The following APBB2 variants were observed in gnomAD, a reference collection of about 807,000 sequenced individuals.
The protein encoded by APBB2 is amyloid beta precursor protein binding family B member 2, also known as Fe65-like 1.
In APBB2, 38 loss-of-function variants were observed where a neutral mutation model predicts 82.5. The ratio of observed to expected loss-of-function variants is 0.46; its 90% confidence interval spans 0.36 to 0.60. The LOEUF (loss-of-function observed/expected upper bound fraction) is 0.60, where lower values mean the gene tolerates loss of function less well. APBB2 is among the 20% of genes least tolerant of loss of function. The pLI, the probability that APBB2 is intolerant of heterozygous loss-of-function variation, is 0.00. For missense variants in APBB2, 772 were observed against 972.3 expected, an observed-to-expected ratio of 0.79 and a Z score of 2.74; for synonymous variants, 341 against 368.2, an observed-to-expected ratio of 0.93 and a Z score of 0.85.
At chr4:40,864,112 C>T (rs1398328748) in intron 12 of APBB2, among the ~76,000 whole-genome samples, 2 of 151,754 alleles carry the variant, frequency 1.3e-5, no homozygotes, top group Non-Finnish European at 2.9e-5. Context: ...CAAATATTAG[C>T]TGGGTGTGGT....
chr4:40,929,634 C>T (rs1783583278), intron 10 of APBB2, among the ~76,000 whole-genome samples: 1 of 152,174 alleles, frequency 6.6e-6, no homozygotes, highest in Admixed American at 6.5e-5. Flanking sequence ...GGGGTAGTAG[C>T]TCACACACAA....
intron 4 of APBB2, among the ~76,000 whole-genome samples, chr4:41,058,881 T>C (rs1340384851): frequency 3.3e-5 from 5 of 151,952 alleles, no homozygotes; most frequent in African/African-American, 1.2e-4. Context: ...CATTAACAAC[T>C]AAGAAAATAC....
Position 41,053,266 on chromosome 4 carries a change from G to T in APBB2, c.-51+12310C>A, listed in dbSNP as rs1726719950. Among the ~76,000 whole-genome samples, 4 of 151,634 alleles carry T rather than the reference G, an allele frequency of 2.6e-5. No homozygotes were observed. The South Asian group carries it at 6.2e-4, about 24-fold the overall frequency. ...TTCTAGTTTTTTTCCCAATAAACTA[G>T]AGACGACAATTTTCATTTCATACCT... On this transcript the variant is annotated intron_variant, in intron 4 of 17. Transcript: ENST00000508593.
At chr4:41,191,847 GAGACTGGGAAAA>G (rs1774520766) in intron 1 of APBB2, among the ~76,000 whole-genome samples, 1 of 152,160 alleles carries the variant, frequency 6.6e-6, no homozygotes, top group African/African-American at 2.4e-5. Flanking sequence ...GGCAACCTAT[GAGACTGGGAAAA>G]AGCATTTGCA....
chr4:40,929,564 G>T (rs192082355), intron 10 of APBB2, among the ~76,000 whole-genome samples: 84 of 152,338 alleles, frequency 5.5e-4, no homozygotes, highest in African/African-American at 1.9e-3. Context: ...CTCCCAGAGT[G>T]CTGGGATTAC....
intron 6 of APBB2, among the ~76,000 whole-genome samples, chr4:40,968,647 A>G (rs1465875638): frequency 1.3e-5 from 2 of 152,098 alleles, no homozygotes; most frequent in Non-Finnish European, 2.9e-5. Flanking sequence ...GTCTCACAAC[A>G]TGCCTTACAT....
intron 12 of APBB2, among the ~76,000 whole-genome samples, chr4:40,877,661 T>C (rs1413880818): frequency 6.6e-6 from 1 of 152,230 alleles, no homozygotes; most frequent in Non-Finnish European, 1.5e-5. Context: ...GTTCACCTGC[T>C]GGGACAGACC....
At chr4:40,931,805 T>C (rs1049742549) in intron 10 of APBB2, among the ~76,000 whole-genome samples, 2 of 152,200 alleles carry the variant, frequency 1.3e-5, no homozygotes, top group Admixed American at 6.5e-5. Context: ...TGCCCTTTTT[T>C]TTTTTTTAAA....
intron 4 of APBB2, among the ~76,000 whole-genome samples, chr4:41,046,947 G>A (rs1723653588): frequency 6.6e-6 from 1 of 152,212 alleles, no homozygotes; most frequent in Admixed American, 6.5e-5. Flanking sequence ...GTTCAATTTT[G>A]TCACCTGTTA....
At chr4:41,112,822 T>C (rs1449292053) in intron 2 of APBB2, among the ~76,000 whole-genome samples, 1 of 152,038 alleles carries the variant, frequency 6.6e-6, no homozygotes, top group Non-Finnish European at 1.5e-5. Flanking sequence ...ACCCCATCTG[T>C]ACTAAAAATG....
intron 4 of APBB2, among the ~76,000 whole-genome samples, chr4:41,053,232 C>T (rs2087792845): frequency 6.6e-6 from 1 of 152,054 alleles, no homozygotes; most frequent in Non-Finnish European, 1.5e-5. Flanking sequence ...AATTTGATGA[C>T]CCTATGACTT....
chr4:41,027,186 C>G (rs775057425), intron 5 of APBB2, among the ~76,000 whole-genome samples: 1 of 151,978 alleles, frequency 6.6e-6, no homozygotes, highest in East Asian at 1.9e-4. Flanking sequence ...GCAATACCTG[C>G]CCTCTCAGTG....
chr4:40,930,442 TGTGTGTGCGCGCGCGCGCGC>T (rs1398836144), intron 10 of APBB2, among the ~76,000 whole-genome samples: 4 of 73,786 alleles, frequency 5.4e-5, no homozygotes, highest in African/African-American at 1.5e-4. Flanking sequence ...TGTGTGTGTG[TGTGTGTGCGCGCGCGCGCGC>T]GCGCGTGCGC....
At position 40,890,698 on chromosome 4, in the gene APBB2, C is replaced by T. The variant is rs1254478469; in HGVS notation, c.1402-207G>A. Among the ~76,000 whole-genome samples, 7 of 152,170 alleles carry T rather than the reference C, an allele frequency of 4.6e-5. No individual in the cohort carries two copies. In the South Asian group the frequency reaches 1.5e-3, roughly 32 times the overall value. ...TACACCCAATTTCTCTCTCCCTCTC[C>T]GAGTCCTCTGAAATGTGTCCCCATC... On this transcript the variant is annotated intron_variant, in intron 11 of 17. Coordinates refer to ENST00000508593, the MANE Select transcript of APBB2 (RefSeq NM_004307.2).
At chr4:41,028,153 T>G (rs1715221906) in intron 5 of APBB2, among the ~76,000 whole-genome samples, 1 of 152,384 alleles carries the variant, frequency 6.6e-6, no homozygotes, top group Middle Eastern at 3.4e-3. Context: ...ACAGATATTT[T>G]TTGTGCACTA....
chr4:41,025,796 A>T (rs946186945), intron 5 of APBB2, among the ~76,000 whole-genome samples: 54 of 148,198 alleles, frequency 3.6e-4, no homozygotes, highest in African/African-American at 1.3e-3. Flanking sequence ...GTAGATGCCT[A>T]TAATCCCAGC....
intron 2 of APBB2, among the ~76,000 whole-genome samples, chr4:41,134,228 T>C (rs1756903509): frequency 6.6e-6 from 1 of 152,040 alleles, no homozygotes; most frequent in Non-Finnish European, 1.5e-5. Flanking sequence ...GTGATCCTCC[T>C]GCCTCAGCCT....
intron 10 of APBB2, among the ~76,000 whole-genome samples, chr4:40,907,347 A>T (rs927567607): frequency 8.5e-5 from 7 of 82,318 alleles, no homozygotes; most frequent in African/African-American, 1.5e-4. Flanking sequence ...TTAATATATT[A>T]CATATATATA....
chr4:41,005,784 AAAAG>A (rs1162000885), intron 6 of APBB2, among the ~76,000 whole-genome samples: 1 of 152,242 alleles, frequency 6.6e-6, no homozygotes, highest in Non-Finnish European at 1.5e-5. Flanking sequence ...TAATTTTTGA[AAAAG>A]AAAGATTTTT....
Sources: allele counts gnomAD v4.1 joint callset (sites outside exome capture counted in the v4.1 genomes callset), GRCh38; gene constraint gnomAD v4.1.1; transcripts MANE v1.5; gene names NCBI Gene and HGNC (gene_info 2026-07-23, HGNC 2026-07-21).